Variants in SEMA6A observed in about 807,000 individuals in gnomAD.
The protein encoded by SEMA6A is semaphorin-6A.
A neutral mutation model predicts 96.8 loss-of-function variants in SEMA6A; 25 were observed. The ratio of observed to expected loss-of-function variants is 0.26; its 90% CI spans 0.19 to 0.36. SEMA6A has a LOEUF of 0.36. SEMA6A is among the 10% of genes least tolerant of loss of function. SEMA6A has a pLI of 1.00. For synonymous variants in SEMA6A, 612 were observed against 518.0 expected (o/e 1.18, Z -2.46); for missense variants, 1,363 against 1,323.1 (o/e 1.03, Z -0.47).
rs151277233 is a variant in SEMA6A at position 116,517,138 on chromosome 5, T to G, written c.-38-12156A>C. On this transcript the variant is annotated intron_variant, in intron 1 of 18. Coordinates refer to ENST00000343348, the MANE Select transcript of SEMA6A (RefSeq NM_020796.5). ...CTACTCATTGTGTGACAAGCTTGAG[T>G]TGGCATGAGACCATTTGTAGTCCTT... 2.3e-3 allele frequency among the ~76,000 whole-genome samples: 356 copies of G among 152,276 alleles called. 1 individual carries two copies. Among genetic ancestry groups the G allele is most frequent in the African/African-American group, 7.9e-3 (328 of 41,546 alleles).
chr5:116,469,368 A>G (rs1030589328), intron 17 of SEMA6A: 2 of 152,244 alleles, frequency 1.3e-5, no homozygotes, highest in Admixed American at 1.3e-4. Flanking sequence ...GAACAGGGGA[A>G]GGAAAATCAG....
Position 116,488,135 on chromosome 5 carries a change from T to C in SEMA6A, c.717A>G (p.Ile239Met). 51 of 1,612,034 alleles carry C rather than the reference T, an allele frequency of 3.2e-5. No homozygotes were observed. Among genetic ancestry groups the C allele is most frequent in the Non-Finnish European group, 4.3e-5 (51 of 1,178,658 alleles). Residue 239 changes from isoleucine to methionine, a missense_variant, in exon 9 of 19, where the codon ATA becomes ATG. Physicochemically the swap from Ile to Met is conservative, Grantham distance 10. Around this residue, in one of 2 missense-constraint regions of SEMA6A, gnomAD observed 480 missense variants for 559.5 expected, o/e 0.86. Coordinates refer to ENST00000343348, the MANE Select transcript of SEMA6A (RefSeq NM_020796.5). The stretch of plus-strand genomic sequence containing the variant: ...TTCCCATGGTGTTATACTCCACTGC[T>C]ATTTCCCTGAAGAAGAAGTAGATAT... ...GDYIYFFFRE[I>M]AVEYNTMGKV... is the part of the protein sequence containing the mutation.
At chr5:116,468,007 G>A in intron 17 of SEMA6A, 1 of 454,076 alleles carries the variant, frequency 2.2e-6, no homozygotes, top group Non-Finnish European at 4.0e-6. Flanking sequence ...GGGCCTCAGG[G>A]AATCACTTAA....
intron 1 of SEMA6A, chr5:116,507,899 C>T (rs1276039037): frequency 6.6e-6 from 1 of 152,192 alleles, no homozygotes. Context: ...CCCAAACCCC[C>T]AAATTCACAG....
chr5:116,484,538 T>C (rs1233381218), intron 10 of SEMA6A, among the ~76,000 whole-genome samples: 3 of 152,012 alleles, frequency 2.0e-5, no homozygotes, highest in Admixed American at 2.0e-4. Flanking sequence ...ATAAGGAGAA[T>C]TGCTTGAACA....
chr5:116,566,802 T>C (rs1218874130), intron 1 of SEMA6A, among the ~76,000 whole-genome samples: 1 of 152,220 alleles, frequency 6.6e-6, no homozygotes. Flanking sequence ...ATTTCCTACC[T>C]TTGGTGTGGA....
At chr5:116,556,726 G>A (rs779255740) in intron 1 of SEMA6A, among the ~76,000 whole-genome samples, 1 of 152,152 alleles carries the variant, frequency 6.6e-6, no homozygotes. Context: ...CATTTTGTGT[G>A]TGTGTAGCGC....
At chr5:116,478,208 C>T (rs1462390427) in intron 13 of SEMA6A, 54 bp from the exon 14 acceptor site, 1 of 1,577,660 alleles carries the variant, frequency 6.3e-7, no homozygotes, top group East Asian at 2.3e-5. Context: ...TTTTTCTCGG[C>T]CCCACCCTCA....
At position 116,458,612 on chromosome 5, in the gene SEMA6A, A is replaced by G. The variant is rs888231230; in HGVS notation, c.1894+8971T>C. ...AAGTCCTTCATTTTTTGAGAAAATG[A>G]ATGTTAGGTTAAAAAATAAAAGGTT... On this transcript the variant is annotated intron_variant, in intron 18 of 18. Transcript: ENST00000343348. Among the ~76,000 whole-genome samples, 3 of 152,150 alleles carry G rather than the reference A, an allele frequency of 2.0e-5. No homozygotes were observed. The East Asian group carries it at 5.8e-4, about 29-fold the overall frequency.
rs140475355 is a variant in SEMA6A, at chr5:116,517,203, C to T, written c.-38-12221G>A. Among the ~76,000 whole-genome samples, 30 of 151,928 alleles carry T rather than the reference C, an allele frequency of 2.0e-4. No individual in the cohort carries two copies. In the East Asian group the frequency reaches 5.4e-3, roughly 27 times the overall value. On this transcript the variant is annotated intron_variant, in intron 1 of 18. Coordinates refer to ENST00000343348, the MANE Select transcript of SEMA6A (RefSeq NM_020796.5). ...GGATGAATATTTATGCATTTTGCTG[C>T]AAATTATGAACAGGTATGATTATTA...
intron 1 of SEMA6A, among the ~76,000 whole-genome samples, chr5:116,513,074 A>G (rs1481385077): frequency 6.6e-6 from 1 of 151,956 alleles, no homozygotes; most frequent in African/African-American, 2.4e-5. Context: ...CAGACATGCA[A>G]TGCATAATAA....
intron 3 of SEMA6A, among the ~76,000 whole-genome samples, chr5:116,500,096 A>C (rs1052428211): frequency 2.6e-5 from 4 of 152,256 alleles, no homozygotes; most frequent in African/African-American, 9.6e-5. Context: ...TAGGAAAATA[A>C]AAATGACATC....
intron 1 of SEMA6A, among the ~76,000 whole-genome samples, chr5:116,514,920 G>A (rs1157683867): frequency 1.3e-5 from 2 of 152,166 alleles, no homozygotes; most frequent in African/African-American, 4.8e-5. Flanking sequence ...TTCCAAAATA[G>A]AACACATACA....
intron 6 of SEMA6A, among the ~76,000 whole-genome samples, chr5:116,494,040 C>T (rs1162698786): frequency 1.3e-5 from 2 of 152,144 alleles, no homozygotes; most frequent in Non-Finnish European, 2.9e-5. Flanking sequence ...AAGAGATGGC[C>T]TAGCAGTCAT....
At chr5:116,520,154 T>C (rs1405889170) in intron 1 of SEMA6A, among the ~76,000 whole-genome samples, 1 of 152,092 alleles carries the variant, frequency 6.6e-6, no homozygotes, top group African/African-American at 2.4e-5. Context: ...TCCTGCCTCA[T>C]GGACTTTCTG....
intron 1 of SEMA6A, among the ~76,000 whole-genome samples, chr5:116,544,126 C>T (rs376453131): frequency 2.6e-5 from 4 of 152,218 alleles, no homozygotes; most frequent in East Asian, 3.9e-4. Flanking sequence ...GTGGTCTTTC[C>T]TTGTCAAAGT....
intron 3 of SEMA6A, among the ~76,000 whole-genome samples, chr5:116,501,011 C>CA (rs533950464): frequency 2.6e-5 from 4 of 151,336 alleles, no homozygotes; most frequent in South Asian, 2.1e-4. Context: ...AACCCTGTCT[C>CA]AAAAAAAAGC....
intron 18 of SEMA6A, among the ~76,000 whole-genome samples, chr5:116,462,158 T>C (rs1000206935): frequency 6.6e-6 from 1 of 152,144 alleles, no homozygotes; most frequent in Non-Finnish European, 1.5e-5. Context: ...ATCCATTACA[T>C]TTTAAGCATG....
At chr5:116,545,802 A>G (rs533166951) in intron 1 of SEMA6A, among the ~76,000 whole-genome samples, 2 of 152,282 alleles carry the variant, frequency 1.3e-5, no homozygotes, top group South Asian at 2.1e-4. Flanking sequence ...ACAAGAACCA[A>G]TCTAGTCTTT....
Sources: gnomAD v4.1 joint callset for allele counts (sites outside exome capture counted in the v4.1 genomes callset) on GRCh38, gnomAD v4.1.1 for gene constraint, gnomAD v4.1.1 regional missense constraint, MANE v1.5 for transcripts, NCBI Gene and HGNC (gene_info 2026-07-23, HGNC 2026-07-21) for gene names.